The following LAMB4 variants were observed in gnomAD, a reference collection of about 807,000 sequenced individuals.
The protein encoded by LAMB4 is laminin subunit beta-4.
A neutral mutation model predicts 199.2 loss-of-function variants in LAMB4; 196 were observed. The ratio of observed to expected loss-of-function variants is 0.98; its 90% confidence interval spans 0.88 to 1.11. LAMB4 has a LOEUF of 1.11. LAMB4 is among the 50% of genes least tolerant of loss of function. LAMB4 has a pLI of 0.00. For missense variants in LAMB4, 2,080 were observed against 2,171.2 expected (o/e 0.96, Z 0.83); for synonymous variants, 744 against 770.6 (o/e 0.97, Z 0.57).
intron 5 of LAMB4, among the ~76,000 whole-genome samples, chr7:108,108,224 T>C (rs2038095044): frequency 6.6e-6 from 1 of 152,222 alleles, no homozygotes; most frequent in African/African-American, 2.4e-5. Context: ...TCACTGTTCC[T>C]GGCCAGGTCT....
chr7:108,075,288 G>A (rs995027779), intron 17 of LAMB4, among the ~76,000 whole-genome samples: 5 of 152,106 alleles, frequency 3.3e-5, no homozygotes, highest in Admixed American at 6.5e-5. Flanking sequence ...AATCTACCAG[G>A]TAGATCCTCT....
intron 12 of LAMB4, among the ~76,000 whole-genome samples, chr7:108,092,797 G>A (rs947597939): frequency 4.6e-5 from 7 of 152,204 alleles, no homozygotes; most frequent in African/African-American, 9.6e-5. Flanking sequence ...CCAGCTACTC[G>A]GGAGGCTGAG....
At chr7:108,116,245 G>T (rs1037790393) in intron 2 of LAMB4, 84 bp from the exon 3 acceptor site, 18 of 1,281,960 alleles carry the variant, frequency 1.4e-5, no homozygotes, top group Non-Finnish European at 1.9e-5. Flanking sequence ...AAGGGGGAAA[G>T]TTATGTATTT....
At position 108,104,579 on chromosome 7, in the gene LAMB4, G is replaced by A. The variant is rs779949946; in HGVS notation, c.911C>T (p.Pro304Leu). The change falls in exon 9 of 34, where the codon CCG (proline) becomes CTG (leucine). Residue 304 changes from proline to leucine, a missense_variant. Physicochemically the swap from Pro to Leu is moderately conservative, Grantham distance 98. Coordinates refer to ENST00000388781, the MANE Select transcript of LAMB4 (RefSeq NM_007356.3). ...GAAGTCCTTGCATCTCTCACAGTTC[G>A]GACCATCTGTATTGTGCTGACACAC... Reference protein sequence around the residue: ...QCVCQHNTDGPNCERCKDFFQ... With the variant: ...QCVCQHNTDGLNCERCKDFFQ... 29 of 1,613,988 alleles carry A rather than the reference G, an allele frequency of 1.8e-5. No homozygotes were observed. The East Asian group carries it at 3.3e-4, about 19-fold the overall frequency.
Position 108,103,110 on chromosome 7 carries a change from C to G in LAMB4, c.1114G>C (p.Asp372His). 6.2e-7 allele frequency: 1 copy of G among 1,613,736 alleles called. No individual in the cohort carries two copies. Among genetic ancestry groups the G allele is most frequent in the South Asian group, 1.1e-5 (1 of 91,000 alleles). ...CQHNTEGQHC[D>H]RCRPLFYRDP... is the part of the protein sequence containing the mutation. The stretch of plus-strand genomic sequence containing the variant: ...CTGTAGAAGAGGGGTCTGCAGCGGT[C>G]GCAGTGCTGCCCCTCAGTGTTGTGC... Residue 372 changes from aspartate (D) to histidine (H), a missense_variant, in exon 10 of 34, where the codon GAC (aspartate) becomes CAC (histidine). Physicochemically the swap from Asp to His is moderately conservative, Grantham distance 81. Transcript: ENST00000388781.
At chr7:108,085,131 GCA>G (rs1254877216) in intron 14 of LAMB4, among the ~76,000 whole-genome samples, 1 of 152,118 alleles carries the variant, frequency 6.6e-6, no homozygotes, top group African/African-American at 2.4e-5. Flanking sequence ...ACAGGACAAC[GCA>G]CAGTTTCATT....
intron 1 of LAMB4, among the ~76,000 whole-genome samples, chr7:108,127,787 T>C (rs996182447): frequency 2.0e-5 from 3 of 152,236 alleles, no homozygotes; most frequent in African/African-American, 7.2e-5. Context: ...CAAAGACTGA[T>C]GGCTCCTCAG....
At chr7:108,113,351 A>G (rs1328759008) in intron 3 of LAMB4, among the ~76,000 whole-genome samples, 2 of 152,198 alleles carry the variant, frequency 1.3e-5, no homozygotes, top group Admixed American at 6.5e-5. Flanking sequence ...GGTACATAGT[A>G]GATGTTCAGT....
At chr7:108,036,336 G>A (rs2035230073) in intron 30 of LAMB4, among the ~76,000 whole-genome samples, 1 of 151,944 alleles carries the variant, frequency 6.6e-6, no homozygotes, top group Non-Finnish European at 1.5e-5. Context: ...TTACAGGCAT[G>A]CACCACTACA....
At chr7:108,066,783 C>T (rs764171038) in intron 19 of LAMB4, among the ~76,000 whole-genome samples, 183 bp from the exon 20 acceptor site, 1 of 152,090 alleles carries the variant, frequency 6.6e-6, no homozygotes, top group Non-Finnish European at 1.5e-5. Flanking sequence ...CACTGAGTCA[C>T]TGGATAAACA....
intron 33 of LAMB4, among the ~76,000 whole-genome samples, chr7:108,027,580 C>T (rs1254342785): frequency 6.6e-6 from 1 of 152,128 alleles, no homozygotes; most frequent in Non-Finnish European, 1.5e-5. Flanking sequence ...GTTTTGGTTA[C>T]TTTAATATTT....
chr7:108,101,922 A>G (rs1481958669), intron 10 of LAMB4, among the ~76,000 whole-genome samples: 4 of 152,232 alleles, frequency 2.6e-5, no homozygotes, highest in Non-Finnish European at 1.5e-5. Flanking sequence ...GTGTGATAAA[A>G]CAAAGATAGC....
Position 108,104,529 on chromosome 7 carries a change from C to G in LAMB4, c.961G>C (p.Ala321Pro). 3 of 1,614,244 alleles carry G rather than the reference C, an allele frequency of 1.9e-6. No individual in the cohort carries two copies. The highest frequency in any genetic ancestry group is 4.5e-5 in the East Asian group (2 of 44,892). Residue 321 changes from alanine (A) to proline (P), a missense_variant, in exon 9 of 34, where the codon GCT becomes CCT. Ala to Pro is a conservative substitution (Grantham distance 27). Transcript: ENST00000388781. ...CAAGCGTTGTCCTGGAGGTCTGCAG[C>G]TGGCCTCCAAGGAGCATCCTGGAAG... ...DFFQDAPWRPAADLQDNACRS... is the reference protein window; with the variant it reads ...DFFQDAPWRPPADLQDNACRS...
At chr7:108,035,711 A>G (rs1279400821) in intron 30 of LAMB4, among the ~76,000 whole-genome samples, 1 of 151,146 alleles carries the variant, frequency 6.6e-6, no homozygotes, top group Non-Finnish European at 1.5e-5. Flanking sequence ...TTTTATTTTC[A>G]TAATTAAGAT....
At chr7:108,068,306 T>A in intron 18 of LAMB4, 147 bp from the exon 19 acceptor site, 9 of 793,756 alleles carry the variant, frequency 1.1e-5, no homozygotes, top group Admixed American at 5.6e-5. Flanking sequence ...TAATATAGAA[T>A]CTGCCTTGTG....
intron 14 of LAMB4, among the ~76,000 whole-genome samples, chr7:108,083,553 C>T (rs984068278): frequency 2.0e-5 from 3 of 152,330 alleles, no homozygotes; most frequent in Non-Finnish European, 4.4e-5. Context: ...ACTGCCCTTA[C>T]ACAAACCATA....
At chr7:108,084,921 T>G (rs1004232477) in intron 14 of LAMB4, among the ~76,000 whole-genome samples, 1 of 151,912 alleles carries the variant, frequency 6.6e-6, no homozygotes, top group Non-Finnish European at 1.5e-5. Context: ...TTTTTTATTT[T>G]TTTTGCAGAG....
chr7:108,101,728 G>A (rs1356321778), intron 10 of LAMB4, among the ~76,000 whole-genome samples: 1 of 152,128 alleles, frequency 6.6e-6, no homozygotes, highest in Non-Finnish European at 1.5e-5. Flanking sequence ...ATTTAAGGAG[G>A]TACCCACTCT....
chr7:108,055,164 G>A (rs961623808), intron 25 of LAMB4, among the ~76,000 whole-genome samples: 4 of 150,224 alleles, frequency 2.7e-5, no homozygotes, highest in Admixed American at 2.0e-4. Context: ...TGAGAAAAAA[G>A]TAGACATACA....
Sources: allele counts gnomAD v4.1 joint callset (sites outside exome capture counted in the v4.1 genomes callset), GRCh38; gene constraint gnomAD v4.1.1; transcripts MANE v1.5; gene names NCBI Gene and HGNC (gene_info 2026-07-23, HGNC 2026-07-21).